The following PLCG2 variants were observed in gnomAD, a reference collection of about 807,000 sequenced individuals.
PLCG2 encodes phospholipase C gamma 2.
PLCG2 carries 69 observed loss-of-function variants against 175.6 expected under a neutral mutation model. The ratio of observed to expected loss-of-function variants is 0.39; its 90% CI spans 0.32 to 0.48. The LOEUF is 0.48. PLCG2 is among the 20% of genes least tolerant of loss of function. The probability of loss-of-function intolerance (pLI) is 0.91; values close to 1 mark genes in which losing one functional copy is unlikely to be tolerated. For synonymous variants in PLCG2, 827 were observed against 624.0 expected, an observed-to-expected ratio of 1.33 and a Z score of -4.85; for missense variants, 1,798 against 1,650.9, an observed-to-expected ratio of 1.09 and a Z score of -1.54.
At chr16:81,758,341 T>C (rs569325786) in intron 2 of PLCG2, among the ~76,000 whole-genome samples, 11 of 152,350 alleles carry the variant, frequency 7.2e-5, no homozygotes, top group African/African-American at 2.4e-4. Flanking sequence ...ATCGTTTCTT[T>C]TTATTGCTGA....
intron 2 of PLCG2, among the ~76,000 whole-genome samples, chr16:81,789,368 A>G (rs1432804643): frequency 1.3e-5 from 2 of 152,198 alleles, no homozygotes; most frequent in Non-Finnish European, 2.9e-5. Flanking sequence ...ATGGTTCACT[A>G]TAGTTGTGAA....
chr16:81,813,094 G>C lies in PLCG2; in HGVS notation c.193+26912G>C, dbSNP rs546587616. 3.3e-5 allele frequency among the ~76,000 whole-genome samples: 5 copies of C among 152,340 alleles called. No individual in the cohort carries two copies. The East Asian group carries it at 9.6e-4, about 29-fold the overall frequency. ...TGACCATAGCCTTGTAGTATAGTTT[G>C]AAGTCAGGTAGCATGATGCCTGCAG... On this transcript the variant is annotated intron_variant, in intron 2 of 32. Coordinates refer to ENST00000564138, the MANE Select transcript of PLCG2 (RefSeq NM_002661.5).
At chr16:81,860,172 A>ATTT (rs1555513300) in intron 5 of PLCG2, among the ~76,000 whole-genome samples, 218 of 120,584 alleles carry the variant, frequency 1.8e-3, no homozygotes, top group Middle Eastern at 4.4e-3. Context: ...TATTATTATT[A>ATTT]TTTTTTTTTT....
intron 2 of PLCG2, among the ~76,000 whole-genome samples, chr16:81,826,785 C>G (rs1905066080): frequency 6.6e-6 from 1 of 152,208 alleles, no homozygotes; most frequent in South Asian, 2.1e-4. Flanking sequence ...CCCAAAGCCA[C>G]TTAGCTGGAA....
At chr16:81,853,215 C>G (rs979302822) in intron 2 of PLCG2, among the ~76,000 whole-genome samples, 2 of 152,072 alleles carry the variant, frequency 1.3e-5, no homozygotes, top group South Asian at 2.1e-4. Flanking sequence ...CCTGTAATCC[C>G]AGCTACTCCT....
intron 7 of PLCG2, among the ~76,000 whole-genome samples, chr16:81,874,898 G>A (rs958397130): frequency 6.9e-6 from 1 of 144,780 alleles, no homozygotes; most frequent in Middle Eastern, 3.8e-3. Context: ...TAACAAAGAT[G>A]ATAGCCAACA....
Position 81,908,423 on chromosome 16 carries a change from C to A in PLCG2, c.1565C>A (p.Pro522His). 3.7e-6 allele frequency: 6 copies of A among 1,613,594 alleles called. No homozygotes were observed. The highest frequency in any genetic ancestry group is 5.1e-6 in the Non-Finnish European group (6 of 1,179,722). ...CCTCTCTTTGCGGCCCAGGATATAC[C>A]CCCTACAGAACTACATTTTGGGGAG... ...TMEEEVPQDIPPTELHFGEKW... is the reference protein window; with the variant it reads ...TMEEEVPQDIHPTELHFGEKW... Residue 522 changes from proline to histidine, a missense_variant, in exon 17 of 33, where the codon CCC becomes CAC. Coordinates refer to ENST00000564138, the MANE Select transcript of PLCG2 (RefSeq NM_002661.5).
chr16:81,777,792 G>T (rs7198003), upstream of PLCG2, among the ~76,000 whole-genome samples: 3 of 151,584 alleles, frequency 2.0e-5, no homozygotes, highest in African/African-American at 7.3e-5. Context: ...AAGGTGGGTG[G>T]ATCACTTGAG....
At chr16:81,931,421 C>A in intron 24 of PLCG2, 76 bp from the exon 25 acceptor site, 2 of 1,452,506 alleles carry the variant, frequency 1.4e-6, no homozygotes, top group Non-Finnish European at 1.9e-6. Context: ...AGAGAAACAG[C>A]TCAGGCAGGG....
In PLCG2 at chr16:81,868,924, A is replaced by T. The variant is rs944485790; in HGVS notation, c.480-290A>T. ...ACGCTATAAATCTCTTATGTGACCT[A>T]TGTCCCTGGACATACCTGAAGGGTG... On this transcript the variant is annotated intron_variant, in intron 5 of 32. Coordinates refer to ENST00000564138, the MANE Select transcript of PLCG2 (RefSeq NM_002661.5). Among the ~76,000 whole-genome samples, 78 of 152,170 alleles carry T rather than the reference A, an allele frequency of 5.1e-4. 1 individual carries two copies. Among genetic ancestry groups the T allele is most frequent in the Admixed American group, 3.1e-3 (48 of 15,288 alleles).
At chr16:81,900,001 A>G (rs781768025) in intron 13 of PLCG2, among the ~76,000 whole-genome samples, 1 of 152,208 alleles carries the variant, frequency 6.6e-6, no homozygotes, top group African/African-American at 2.4e-5. Context: ...CATAACCCCA[A>G]TAGATAAGAA....
intron 1 of PLCG2, among the ~76,000 whole-genome samples, chr16:81,742,744 C>T (rs72831177): frequency 6.6e-6 from 1 of 152,266 alleles, no homozygotes; most frequent in Non-Finnish European, 1.5e-5. Flanking sequence ...GAGCCAGGTG[C>T]TACGAGACGG....
chr16:81,899,289 T>TATATATATATATATATATACACACAC (rs908648451), intron 13 of PLCG2, among the ~76,000 whole-genome samples: 4 of 92,414 alleles, frequency 4.3e-5, no homozygotes, highest in African/African-American at 1.5e-4. Flanking sequence ...TATATATATA[T>TATATATATATATATATATACACACAC]ACACACACAC....
At chr16:81,951,624 C>T (rs567468977) in intron 31 of PLCG2, among the ~76,000 whole-genome samples, 5 of 152,272 alleles carry the variant, frequency 3.3e-5, no homozygotes, top group East Asian at 3.9e-4. Context: ...TCCTAGCTTT[C>T]CCCTAACCTC....
chr16:81,901,616 C>A (rs1012342498), intron 14 of PLCG2, among the ~76,000 whole-genome samples: 2 of 152,214 alleles, frequency 1.3e-5, no homozygotes, highest in Non-Finnish European at 2.9e-5. Flanking sequence ...TTTGTTTAAC[C>A]TGTACATAAA....
At chr16:81,771,061 A>ATAAAT (rs1024986135) in intron 2 of PLCG2, among the ~76,000 whole-genome samples, 11 of 89,844 alleles carry the variant, frequency 1.2e-4, no homozygotes, top group African/African-American at 5.3e-4. Flanking sequence ...CCATCTCAAA[A>ATAAAT]AAAAAAAAAA....
At chr16:81,853,637 G>A (rs563377778) in intron 2 of PLCG2, among the ~76,000 whole-genome samples, 13 of 152,320 alleles carry the variant, frequency 8.5e-5, no homozygotes, top group African/African-American at 3.1e-4. Flanking sequence ...AGTTGGTGGA[G>A]CTCAGATAAT....
intron 26 of PLCG2, chr16:81,935,616 G>A: frequency 1.0e-6 from 1 of 985,172 alleles, no homozygotes; most frequent in East Asian, 1.1e-4. Flanking sequence ...CTACCTTCAG[G>A]GACTCAGCAG....
chr16:81,761,829 A>ATTTACTTTTTTTTTTTT (rs909875950), intron 2 of PLCG2, among the ~76,000 whole-genome samples: 2 of 130,242 alleles, frequency 1.5e-5, no homozygotes, highest in African/African-American at 5.7e-5. Context: ...CACCCTGCAC[A>ATTTACTTTTTTTTTTTT]TTTTTTTTTT....
Sources: gnomAD v4.1 joint callset for allele counts (sites outside exome capture counted in the v4.1 genomes callset) on GRCh38, gnomAD v4.1.1 for gene constraint, MANE v1.5 for transcripts, NCBI Gene and HGNC (gene_info 2026-07-23, HGNC 2026-07-21) for gene names.